Variants in PCDH11X observed in about 807,000 individuals in gnomAD.
PCDH11X encodes protocadherin-11 X-linked.
Under a neutral mutation model 53.3 loss-of-function variants are expected in PCDH11X, and 18 were observed. The observed-to-expected ratio is 0.34, with a 90% CI of 0.23 to 0.50. The LOEUF (loss-of-function observed/expected upper bound fraction) is 0.50. PCDH11X is among the 20% of genes least tolerant of loss of function. The pLI is 0.98. For synonymous variants in PCDH11X, 279 were observed against 393.3 expected (o/e 0.71, Z 3.44); for missense variants, 570 against 1,032.4 (o/e 0.55, Z 6.14).
At chrX:91,905,759 A>T (rs1370110689) in intron 6 of PCDH11X, among the ~76,000 whole-genome samples, 1 of 111,204 alleles carries the variant, frequency 9.0e-6, no homozygotes, top group Non-Finnish European at 1.9e-5. Flanking sequence ...GAAATGACAC[A>T]TCAACTAATT....
intron 10 of PCDH11X, among the ~76,000 whole-genome samples, chrX:92,515,062 AAG>A (rs1491055551): frequency 0.18 from 14,135 of 76,647 alleles, 2,605 homozygotes; most frequent in Non-Finnish European, 0.25. Context: ...AAAAAAAAAA[AAG>A]AAAAGAAAAG....
intron 6 of PCDH11X, among the ~76,000 whole-genome samples, chrX:92,158,635 C>G (rs2065582213): frequency 9.0e-6 from 1 of 111,251 alleles, no homozygotes; most frequent in Non-Finnish European, 1.9e-5. Context: ...AGTCTTTTTT[C>G]AGAATATATA....
rs780597754 is a variant in PCDH11X at position 92,597,932 on chromosome X, C to T, written c.3368-20332C>T. Reference sequence around the variant, plus strand: ...CTGAGAACATACACTGGGGAAAAGACAGTCTCTTCAATAAATAGTGCTGGG... The same window carrying T: ...CTGAGAACATACACTGGGGAAAAGATAGTCTCTTCAATAAATAGTGCTGGG... On this transcript the variant is annotated intron_variant, in intron 10 of 10. Transcript: ENST00000682573. 2.7e-3 allele frequency among the ~76,000 whole-genome samples: 297 copies of T among 111,511 alleles called. 2 individuals carry two copies. The highest frequency in any genetic ancestry group is 9.5e-3 in the African/African-American group (292 of 30,723).
At chrX:91,795,213 T>C (rs1935692651) in intron 1 of PCDH11X, among the ~76,000 whole-genome samples, 2 of 112,026 alleles carry the variant, frequency 1.8e-5, no homozygotes, top group Admixed American at 9.5e-5. Flanking sequence ...ACAAATACTG[T>C]TTAACTATGA....
At chrX:92,184,352 G>A (rs1224299807) in intron 6 of PCDH11X, among the ~76,000 whole-genome samples, 1 of 112,126 alleles carries the variant, frequency 8.9e-6, no homozygotes, top group South Asian at 3.6e-4. Flanking sequence ...AAAATGGAAA[G>A]ACATCTTATT....
At chrX:92,570,310 T>C (rs1922050877) in intron 10 of PCDH11X, among the ~76,000 whole-genome samples, 1 of 112,214 alleles carries the variant, frequency 8.9e-6, no homozygotes. Flanking sequence ...TTGCCATATT[T>C]TGAAACTATA....
chrX:92,541,859 G>C (rs2074764861), intron 10 of PCDH11X, among the ~76,000 whole-genome samples: 2 of 110,840 alleles, frequency 1.8e-5, no homozygotes, highest in Non-Finnish European at 3.8e-5. Flanking sequence ...TGAGGCAGGA[G>C]AATTGCTTGA....
At chrX:92,600,575 A>G (rs999252413) in intron 10 of PCDH11X, among the ~76,000 whole-genome samples, 1 of 110,802 alleles carries the variant, frequency 9.0e-6, no homozygotes, top group African/African-American at 3.3e-5. Context: ...GTGTCCAGGC[A>G]GAGTTGTGCT....
At chrX:92,188,410 C>T (rs1311147972) in intron 6 of PCDH11X, among the ~76,000 whole-genome samples, 1 of 111,153 alleles carries the variant, frequency 9.0e-6, no homozygotes, top group Non-Finnish European at 1.9e-5. Flanking sequence ...AAAACAAAGA[C>T]TAAGATGTAT....
intron 6 of PCDH11X, among the ~76,000 whole-genome samples, chrX:92,133,305 T>C (rs866650845): frequency 8.9e-6 from 1 of 111,938 alleles, no homozygotes; most frequent in Middle Eastern, 4.6e-3. Flanking sequence ...TTTAGGAAAT[T>C]ATTTTGAAAC....
At chrX:92,120,155 CTTTTT>C (rs764997941) in intron 6 of PCDH11X, among the ~76,000 whole-genome samples, 1 of 60,690 alleles carries the variant, frequency 1.6e-5, no homozygotes, top group Non-Finnish European at 3.3e-5. Flanking sequence ...ACTTTTCTTT[CTTTTT>C]TTTTTTTTTT....
rs1937258539 is a variant in PCDH11X at position 91,835,467 on chromosome X, G to T, written c.-38G>T. 4.1e-6 allele frequency: 5 copies of T among 1,210,454 alleles called. No individual in the cohort carries two copies. The East Asian group carries it at 1.5e-4, about 36-fold the overall frequency. ...CTCCTCTTCTTTTGGTCAGTGTTGT[G>T]CGGGTTAATACAACAAACTGTAACA... On this transcript the variant is annotated 5_prime_UTR_variant, in exon 5 of 11. Transcript: ENST00000682573.
chrX:92,017,478 C>T (rs1336126454), intron 6 of PCDH11X, among the ~76,000 whole-genome samples: 3 of 105,973 alleles, frequency 2.8e-5, no homozygotes, highest in Non-Finnish European at 5.8e-5. Context: ...ATGGGCAGAT[C>T]GCTTGAGGTC....
intron 6 of PCDH11X, among the ~76,000 whole-genome samples, chrX:91,952,721 G>A (rs1276096898): frequency 9.0e-6 from 1 of 111,617 alleles, no homozygotes; most frequent in African/African-American, 3.3e-5. Flanking sequence ...TCAGTACATC[G>A]AAGAGATAAC....
At chrX:92,331,319 C>CTTCTTCT (rs1369843764) in intron 8 of PCDH11X, among the ~76,000 whole-genome samples, 12 of 28,796 alleles carry the variant, frequency 4.2e-4, no homozygotes, top group Admixed American at 5.0e-4. Flanking sequence ...CTTCTTCTTC[C>CTTCTTCT]TCTTCTTCTT....
rs1430621233 is a variant in PCDH11X, at chrX:92,618,558, A to C, written c.3662A>C (p.His1221Pro). 1.7e-6 allele frequency: 2 copies of C among 1,210,470 alleles called. No homozygotes were observed. Among genetic ancestry groups the C allele is most frequent in the East Asian group, 5.9e-5 (2 of 33,798 alleles). The change falls in exon 11 of 11, where the codon CAC (histidine) becomes CCC (proline). Residue 1221 changes from histidine (H) to proline (P), a missense_variant. His to Pro is a moderately conservative substitution (Grantham distance 77). Coordinates refer to ENST00000682573, the MANE Select transcript of PCDH11X (RefSeq NM_032968.5). ...CCGATACAGGTGTCTGCTCTCCACC[A>C]CAGTCCTCCTCTAGTGCAGGCTACT... ...PPPIQVSALH[H>P]SPPLVQATAL...
intron 5 of PCDH11X, among the ~76,000 whole-genome samples, chrX:91,836,429 C>G (rs1318897419): frequency 9.4e-6 from 1 of 106,101 alleles, no homozygotes; most frequent in Non-Finnish European, 1.9e-5. Flanking sequence ...TCAATTTTTC[C>G]TAGTGATTAC....
chrX:92,081,773 T>C (rs1338619353), intron 6 of PCDH11X, among the ~76,000 whole-genome samples: 1 of 109,046 alleles, frequency 9.2e-6, no homozygotes, highest in East Asian at 2.9e-4. Context: ...CACACATAAC[T>C]CAAAATTGGT....
chrX:92,175,949 A>G (rs1603112635), intron 6 of PCDH11X, among the ~76,000 whole-genome samples: 1 of 110,489 alleles, frequency 9.1e-6, no homozygotes, highest in South Asian at 3.9e-4. Flanking sequence ...TTTGTAAAAT[A>G]TTGCAATTTT....
Sources: gnomAD v4.1 joint callset for allele counts (sites outside exome capture counted in the v4.1 genomes callset) on GRCh38, gnomAD v4.1.1 for gene constraint, MANE v1.5 for transcripts, NCBI Gene and HGNC (gene_info 2026-07-23, HGNC 2026-07-21) for gene names.